The following MOV10L1 variants were observed in gnomAD, a reference collection of about 807,000 sequenced individuals.
The protein encoded by MOV10L1 is Mov10 like RNA helicase 1, also known as RNA helicase Mov10l1.
In MOV10L1, 110 loss-of-function variants were observed where a neutral mutation model predicts 143.8. That is an observed-to-expected ratio of 0.76 (90% CI 0.66 to 0.90). MOV10L1 has a LOEUF of 0.90. Among genes scored for constraint, MOV10L1 ranks in the 40% least tolerant of loss-of-function variants. MOV10L1 has a pLI of 0.00. For synonymous variants in MOV10L1, 593 were observed against 581.1 expected (o/e 1.02, Z -0.29); for missense variants, 1,406 against 1,526.8 (o/e 0.92, Z 1.32).
intron 5 of MOV10L1, among the ~76,000 whole-genome samples, chr22:50,113,149 C>T (rs1269131957): frequency 6.6e-6 from 1 of 152,150 alleles, no homozygotes; most frequent in African/African-American, 2.4e-5. Context: ...TAAGTGGGTC[C>T]ATTTTTAGGG....
intron 10 of MOV10L1, among the ~76,000 whole-genome samples, chr22:50,122,084 C>T (rs1011225583): frequency 3.3e-5 from 5 of 152,132 alleles, no homozygotes; most frequent in African/African-American, 1.2e-4. Context: ...AGCCACTGCA[C>T]CCGGCCTGTC....
intron 22 of MOV10L1, among the ~76,000 whole-genome samples, chr22:50,155,988 G>C (rs1240082366): frequency 6.6e-6 from 1 of 152,178 alleles, no homozygotes; most frequent in Non-Finnish European, 1.5e-5. Flanking sequence ...AGAGGTTGAG[G>C]TTGCAGTGAA....
intron 1 of MOV10L1, 187 bp downstream of exon 1, chr22:50,090,372 C>T (rs368811491): frequency 3.5e-5 from 54 of 1,535,862 alleles, no homozygotes; most frequent in Non-Finnish European, 4.6e-5. Context: ...AGCATCCCGC[C>T]GCTCTGGGCG....
Position 50,107,058 on chromosome 22 carries a change from T to TGCCC in MOV10L1, c.443-1078_443-1077insGCCC, listed in dbSNP as rs1214979385. On this transcript the variant is annotated intron_variant, in intron 3 of 26. Coordinates refer to ENST00000262794, the MANE Select transcript of MOV10L1 (RefSeq NM_018995.3). The stretch of plus-strand genomic sequence containing the variant: ...TTGAAGTCAGTGCCCTAGCATATTT[T>TGCCC]AGTGTCTTCTGTTTTCTTTCTTTTC... Among the ~76,000 whole-genome samples, 220 of 151,102 alleles carry TGCCC rather than the reference T, an allele frequency of 1.5e-3. 7 individuals are homozygous for TGCCC. The highest frequency in any genetic ancestry group is 6.9e-3 in the Middle Eastern group (2 of 290).
At chr22:50,149,351 G>T in intron 19 of MOV10L1, 1 of 448,202 alleles carries the variant, frequency 2.2e-6, no homozygotes, top group Non-Finnish European at 4.0e-6. Context: ...GTTGCCCATC[G>T]CTCCCACCCC....
At chr22:50,124,438 T>G (rs960730095) in intron 10 of MOV10L1, among the ~76,000 whole-genome samples, 1 of 152,200 alleles carries the variant, frequency 6.6e-6, no homozygotes, top group Admixed American at 6.5e-5. Flanking sequence ...ATTAATAGAT[T>G]TGGTTTACGA....
At chr22:50,125,688 T>A (rs1413975398) in intron 11 of MOV10L1, 119 bp downstream of exon 11, 3 of 1,099,766 alleles carry the variant, frequency 2.7e-6, no homozygotes, top group African/African-American at 1.6e-5. Flanking sequence ...TCTTTTGGGT[T>A]AGAATTTCAC....
At chr22:50,118,970 T>C (rs1317300467) in intron 9 of MOV10L1, among the ~76,000 whole-genome samples, 5 of 152,148 alleles carry the variant, frequency 3.3e-5, no homozygotes, top group Admixed American at 6.5e-5. Flanking sequence ...GCTGTAGGGA[T>C]GTAACCCAGA....
chr22:50,134,664 G>A (rs2147285635), intron 15 of MOV10L1, 34 bp downstream of exon 15: 1 of 1,591,138 alleles, frequency 6.3e-7, no homozygotes, highest in East Asian at 2.2e-5. Flanking sequence ...CTCTACACAG[G>A]GGATGGCTCA....
In MOV10L1 at chr22:50,113,928, T is replaced by C. The variant is rs2062094309; in HGVS notation, c.884+140T>C. 2 of 1,001,104 alleles carry C rather than the reference T, an allele frequency of 2.0e-6. 1 individual carries two copies. Among genetic ancestry groups the C allele is most frequent in the Non-Finnish European group, 2.7e-6 (2 of 746,452 alleles). The allele number at this position is 1,001,104 out of a possible 1,614,324, so 62.0% of individuals were successfully genotyped here. ...AGATCTTTTCTTTTTTTTTTTTTTT[T>C]TTTTTTTTGAGACAGCGTCTTGCTC... On this transcript the variant is annotated intron_variant, in intron 6 of 26. Coordinates refer to ENST00000262794, the MANE Select transcript of MOV10L1 (RefSeq NM_018995.3).
intron 19 of MOV10L1, 41 bp downstream of exon 19, chr22:50,145,851 G>A: frequency 1.2e-6 from 2 of 1,610,238 alleles, no homozygotes; most frequent in Non-Finnish European, 1.7e-6. Context: ...GCCTCCCAGG[G>A]CAGAGGTCGG....
chr22:50,094,262 G>A (rs1201281922), intron 2 of MOV10L1: 1 of 151,910 alleles, frequency 6.6e-6, no homozygotes, highest in Non-Finnish European at 1.5e-5. Flanking sequence ...TCTTTTTATA[G>A]TTCAATAGTT....
Position 50,108,835 on chromosome 22 carries a change from T to G in MOV10L1, c.734T>G (p.Val245Gly). The G allele has an allele frequency of 6.2e-7, 1 of 1,614,048 alleles. No individual in the cohort carries two copies. Among genetic ancestry groups the G allele is most frequent in the Non-Finnish European group, 8.5e-7 (1 of 1,179,950 alleles). The change falls in exon 5 of 27, where the codon GTG (valine) becomes GGG (glycine). Residue 245 changes from valine (V) to glycine (G), a missense_variant. Transcript: ENST00000262794. ...YVWRALCMTL[V>G]KRRDAAPVHE... ...TGGAGGGCACTTTGTATGACCCTAG[T>G]GAAGAGGCGGTAAGAAAATGCTTTT...
In MOV10L1 at chr22:50,125,584, C is replaced by T. The variant is rs1324615057; in HGVS notation, c.1747+15C>T. 5 of 1,611,310 alleles carry T rather than the reference C, an allele frequency of 3.1e-6. No homozygotes were observed. In the East Asian group the frequency reaches 8.9e-5, roughly 29 times the overall value. On this transcript the variant is annotated intron_variant, in intron 11 of 26. Transcript: ENST00000262794. ...TCTCTACGCAGGTGTGTTTGTTACT[C>T]ATATGCTTCCCTGGGTGGACTAGCA...
chr22:50,141,001 C>T (rs932247586), intron 15 of MOV10L1, among the ~76,000 whole-genome samples: 2 of 151,582 alleles, frequency 1.3e-5, no homozygotes, highest in Non-Finnish European at 2.9e-5. Flanking sequence ...TGGTTCAGGA[C>T]AAATACTACT....
rs67071955 is a variant in MOV10L1 at position 50,113,912 on chromosome 22, C to CTTTT, written c.884+145_884+148dup. Reference sequence around the variant, plus strand: ...ATTTTTTTCTTTATGAAGATCTTTTCTTTTTTTTTTTTTTTTTTTTTTTTG... The same window carrying CTTTT: ...ATTTTTTTCTTTATGAAGATCTTTTCTTTTTTTTTTTTTTTTTTTTTTTTTTTTG... On this transcript the variant is annotated intron_variant, in intron 6 of 26. Coordinates refer to ENST00000262794, the MANE Select transcript of MOV10L1 (RefSeq NM_018995.3). The CTTTT allele has an allele frequency of 2.8e-3, 745 of 263,254 alleles. 1 individual carries two copies. Among genetic ancestry groups the CTTTT allele is most frequent in the African/African-American group, 7.2e-3 (164 of 22,788 alleles). 16.3% of individuals were successfully genotyped at this position (263,254 alleles called of 1,614,324 possible).
intron 8 of MOV10L1, among the ~76,000 whole-genome samples, chr22:50,116,156 GCA>G (rs1390838987): frequency 6.6e-6 from 1 of 150,700 alleles, no homozygotes; most frequent in African/African-American, 2.4e-5. Context: ...GGTGGCAAGT[GCA>G]CAGTCAGCTG....
intron 15 of MOV10L1, 22 bp downstream of exon 15, chr22:50,134,652 T>G (rs3736690): frequency 0.22 from 359,345 of 1,606,042 alleles, 42,227 homozygotes; most frequent in Admixed American, 0.39. Flanking sequence ...CAATGTGGCT[T>G]TCTCTACACA....
chr22:50,123,598 TA>T (rs1376334998), intron 10 of MOV10L1, among the ~76,000 whole-genome samples: 2 of 152,262 alleles, frequency 1.3e-5, no homozygotes, highest in African/African-American at 4.8e-5. Flanking sequence ...TCAGTGTTCA[TA>T]TTGGTCTGTA....
Sources: allele counts gnomAD v4.1 joint callset (sites outside exome capture counted in the v4.1 genomes callset), GRCh38; gene constraint gnomAD v4.1.1; transcripts MANE v1.5; gene names NCBI Gene and HGNC (gene_info 2026-07-23, HGNC 2026-07-21).